Variants in PLEKHM2 observed in about 807,000 individuals in gnomAD.
The protein encoded by PLEKHM2 is pleckstrin homology and RUN domain containing M2, also known as pleckstrin homology domain-containing family M member 2.
Under a neutral mutation model 116.3 loss-of-function variants are expected in PLEKHM2, and 77 were observed. The observed-to-expected ratio is 0.66, with a 90% CI of 0.55 to 0.80. The LOEUF (loss-of-function observed/expected upper bound fraction) is 0.80, where lower values mean the gene tolerates loss of function less well. Ranked by LOEUF, PLEKHM2 falls within the 30% of genes least tolerant of loss-of-function variation. PLEKHM2 has a pLI of 0.00. For synonymous variants in PLEKHM2, 562 were observed against 571.0 expected (o/e 0.98, Z 0.22); for missense variants, 1,183 against 1,354.9 (o/e 0.87, Z 1.99).
intron 1 of PLEKHM2, among the ~76,000 whole-genome samples, chr1:15,706,627 G>A (rs1472717538): frequency 6.6e-6 from 1 of 151,960 alleles, no homozygotes; most frequent in African/African-American, 2.4e-5. Context: ...GGCTGGTCTC[G>A]AACTCCTAAC....
At chr1:15,684,767 G>A in intron 1 of PLEKHM2, 149 bp downstream of exon 1, 1 of 326,916 alleles carries the variant, frequency 3.1e-6, no homozygotes, top group Non-Finnish European at 5.4e-6. Context: ...CCGGTAGAGG[G>A]GAAGCGGCGC....
At position 15,728,285 on chromosome 1, in the gene PLEKHM2, G is replaced by A. The variant is rs746131818; in HGVS notation, c.1849G>A (p.Gly617Arg). Residue 617 changes from glycine (G) to arginine (R), a missense_variant, in exon 11 of 20, where the codon GGG becomes AGG. This residue lies in a region of PLEKHM2 where 594 missense variants were observed against 720.1 expected (regional missense o/e 0.82). Coordinates refer to ENST00000375799, the MANE Select transcript of PLEKHM2 (RefSeq NM_015164.4). This position sits in a 1 kb window ranked among gnomAD's most constrained non-coding sequence, Gnocchi z 5.9. ...CCCCCAGATGATCCGGATGAGCACC[G>A]GGCACATGGAGGGCAACCTGCAGCT... ...QLFKMIRMSTGHMEGNLQLLY... is the reference protein window; with the variant it reads ...QLFKMIRMSTRHMEGNLQLLY... The A allele has an allele frequency of 5.0e-6, 8 of 1,613,160 alleles. No individual in the cohort carries two copies. Among genetic ancestry groups the A allele is most frequent in the East Asian group, 2.2e-5 (1 of 44,888 alleles).
chr1:15,693,555 G>T (rs1457928143), intron 1 of PLEKHM2, among the ~76,000 whole-genome samples: 1 of 152,184 alleles, frequency 6.6e-6, no homozygotes, highest in Non-Finnish European at 1.5e-5. Flanking sequence ...ACTCACTGGG[G>T]TTTAACAGAA....
At chr1:15,732,161 C>T in intron 17 of PLEKHM2, 113 bp downstream of exon 17, 1 of 1,093,448 alleles carries the variant, frequency 9.1e-7, no homozygotes, top group African/African-American at 1.6e-5. Flanking sequence ...AGACGGACCT[C>T]CAGGGGGCAG....
chr1:15,701,027 C>CG (rs1244667658), intron 1 of PLEKHM2, among the ~76,000 whole-genome samples: 7 of 149,418 alleles, frequency 4.7e-5, no homozygotes, highest in Middle Eastern at 3.4e-3. Context: ...GCAGGAGAAT[C>CG]GCTCGAACCC....
chr1:15,729,244 AGGTG>A lies in PLEKHM2; in HGVS notation c.2075+55_2075+58del. 2.0e-6 allele frequency: 3 copies of A among 1,476,544 alleles called. No individual in the cohort carries two copies. Among genetic ancestry groups the A allele is most frequent in the Non-Finnish European group, 2.8e-6 (3 of 1,072,214 alleles). The allele number at this position is 1,476,544 out of a possible 1,614,324, so 91.5% of individuals were successfully genotyped here. On this transcript the variant is annotated intron_variant, in intron 13 of 19. Transcript: ENST00000375799. This position sits in a 1 kb window ranked among gnomAD's most constrained non-coding sequence, Gnocchi z 4.7. ...GATTGGAGAGTTCGCAGCCGCCCATAGGTGTGGGTGGCCTGGGGGTCAGGGGTGG... is the reference window on the plus strand; with the variant it reads ...GATTGGAGAGTTCGCAGCCGCCCATATGGGTGGCCTGGGGGTCAGGGGTGG...
chr1:15,731,311 C>T, intron 16 of PLEKHM2, 54 bp downstream of exon 16: 1 of 1,360,646 alleles, frequency 7.3e-7, no homozygotes, highest in African/African-American at 1.4e-5. Context: ...TGCCGTTTCC[C>T]TGGTTTGAGA....
At chr1:15,687,131 T>C (rs1276009710) in intron 1 of PLEKHM2, among the ~76,000 whole-genome samples, 3 of 151,308 alleles carry the variant, frequency 2.0e-5, no homozygotes, top group Non-Finnish European at 4.4e-5. Context: ...CCCATATTGG[T>C]CAGGCTGTGT....
upstream of PLEKHM2, among the ~76,000 whole-genome samples, chr1:15,681,841 G>C (rs1640650983): frequency 6.6e-6 from 1 of 152,114 alleles, no homozygotes; most frequent in Non-Finnish European, 1.5e-5. Context: ...TCTGCTCTCT[G>C]AATATGAGAG....
At chr1:15,689,090 A>G (rs571633942) in intron 1 of PLEKHM2, among the ~76,000 whole-genome samples, 2 of 152,064 alleles carry the variant, frequency 1.3e-5, no homozygotes, top group South Asian at 4.2e-4. Flanking sequence ...CTCTATTAAA[A>G]ATACAAAATT....
At position 15,728,594 on chromosome 1, in the gene PLEKHM2, G is replaced by T; in HGVS notation, c.1922-75G>T. The T allele has an allele frequency of 7.6e-7, 1 of 1,324,052 alleles. No individual in the cohort carries two copies. Among genetic ancestry groups the T allele is most frequent in the Non-Finnish European group, 1.1e-6 (1 of 937,670 alleles). The allele number at this position is 1,324,052 out of a possible 1,614,324, so 82.0% of individuals were successfully genotyped here. A position where few individuals can be genotyped will look rare whatever the true frequency, so the allele number is the denominator to read the frequency against. On this transcript the variant is annotated intron_variant, in intron 11 of 19. Transcript: ENST00000375799. The surrounding 1 kb of genome is among the most constrained non-coding windows in gnomAD (Gnocchi z 5.9). ...GAGAGGCCCTCTAAGAGAGGGGGCT[G>T]TGTCTAAGAAAATGGGGCAGGGGGA...
In PLEKHM2 at chr1:15,721,016, C is replaced by T. The variant is rs948500970; in HGVS notation, c.653-313C>T. On this transcript the variant is annotated intron_variant, in intron 6 of 19. Coordinates refer to ENST00000375799, the MANE Select transcript of PLEKHM2 (RefSeq NM_015164.4). The surrounding 1 kb of genome is among the most constrained non-coding windows in gnomAD (Gnocchi z 5.1). Reference sequence around the variant, plus strand: ...CCTGCTAGGGTATGGAGGGAAGGCACGTAAGAGGTAGAAAACAAAGCTAGG... The same window carrying T: ...CCTGCTAGGGTATGGAGGGAAGGCATGTAAGAGGTAGAAAACAAAGCTAGG... 1.0e-5 allele frequency: 3 copies of T among 297,766 alleles called. No individual in the cohort carries two copies. The highest frequency in any genetic ancestry group is 1.4e-4 in the East Asian group (2 of 14,192). The allele number at this position is 297,766 out of a possible 1,614,324, so 18.4% of individuals were successfully genotyped here.
chr1:15,698,974 A>T (rs1641056748), intron 1 of PLEKHM2, among the ~76,000 whole-genome samples: 1 of 152,144 alleles, frequency 6.6e-6, no homozygotes, highest in Non-Finnish European at 1.5e-5. Context: ...ATTGCCATTG[A>T]GAATGAAATA....
intron 1 of PLEKHM2, among the ~76,000 whole-genome samples, chr1:15,686,886 G>T (rs1640783263): frequency 6.6e-6 from 1 of 151,986 alleles, no homozygotes; most frequent in Non-Finnish European, 1.5e-5. Context: ...TCCTCACCTT[G>T]TGATCTGCCC....
In PLEKHM2 at chr1:15,728,630, G is replaced by T. The variant is rs368906492; in HGVS notation, c.1922-39G>T. The T allele has an allele frequency of 1.9e-5, 30 of 1,556,846 alleles. No homozygotes were observed. The highest frequency in any genetic ancestry group is 2.4e-5 in the Non-Finnish European group (27 of 1,138,722). ...AATGGGGCAGGGGGAGGGAAAAGAGGCCTGTGGGGATAATAGGCCTTGGGG... is the reference window on the plus strand; with the variant it reads ...AATGGGGCAGGGGGAGGGAAAAGAGTCCTGTGGGGATAATAGGCCTTGGGG... On this transcript the variant is annotated intron_variant, in intron 11 of 19. Coordinates refer to ENST00000375799, the MANE Select transcript of PLEKHM2 (RefSeq NM_015164.4). This position sits in a 1 kb window ranked among gnomAD's most constrained non-coding sequence, Gnocchi z 5.9.
intron 1 of PLEKHM2, among the ~76,000 whole-genome samples, chr1:15,688,766 C>T (rs1640827987): frequency 6.6e-6 from 1 of 152,058 alleles, no homozygotes; most frequent in Non-Finnish European, 1.5e-5. Flanking sequence ...CTGTGGTTGC[C>T]GATTTGTTAA....
At position 15,734,709 on chromosome 1, in the gene PLEKHM2, G is replaced by A. The variant is rs760712578; in HGVS notation, c.*775G>A. 1 of 152,232 alleles carries A rather than the reference G, an allele frequency of 6.6e-6. No individual in the cohort carries two copies. Among genetic ancestry groups the A allele is most frequent in the Non-Finnish European group, 1.5e-5 (1 of 68,054 alleles). 9.4% of individuals were successfully genotyped at this position (152,232 alleles called of 1,614,324 possible). ...AGAGTTTCGTCAAGAGCCTCCTGGGGAAGGGGTCAGGTGGTTTGGGTTTTG... is the reference window on the plus strand; with the variant it reads ...AGAGTTTCGTCAAGAGCCTCCTGGGAAAGGGGTCAGGTGGTTTGGGTTTTG... On this transcript the variant is annotated 3_prime_UTR_variant, in exon 20 of 20. Transcript: ENST00000375799.
rs528835994 is a variant in PLEKHM2 at position 15,731,813 on chromosome 1, G to T, written c.2466-76G>T. ...GGGCAGACCCTGTGCCGCACACCCC[G>T]CACCAACCCTGGGGGCTGTCGCCCC... On this transcript the variant is annotated intron_variant, in intron 16 of 19. Transcript: ENST00000375799. 127 of 1,338,422 alleles carry T rather than the reference G, an allele frequency of 9.5e-5. No homozygotes were observed. The South Asian group carries it at 1.6e-3, about 17-fold the overall frequency. 82.9% of individuals were successfully genotyped at this position (1,338,422 alleles called of 1,614,324 possible). A position where few individuals can be genotyped will look rare whatever the true frequency, so the allele number is the denominator to read the frequency against.
chr1:15,734,438 C>T lies in PLEKHM2; in HGVS notation c.*504C>T, dbSNP rs2068195425. 1.3e-5 allele frequency: 2 copies of T among 156,618 alleles called. No individual in the cohort carries two copies. The highest frequency in any genetic ancestry group is 4.8e-5 in the African/African-American group (2 of 41,496). 9.7% of individuals were successfully genotyped at this position (156,618 alleles called of 1,614,324 possible). A position where few individuals can be genotyped will look rare whatever the true frequency, so the allele number is the denominator to read the frequency against. Reference sequence around the variant, plus strand: ...CTGCGCATGTTTCCTCCTCCTAGCTCCATCACTGCGCACACAGCTGCCTGC... The same window carrying T: ...CTGCGCATGTTTCCTCCTCCTAGCTTCATCACTGCGCACACAGCTGCCTGC... On this transcript the variant is annotated 3_prime_UTR_variant, in exon 20 of 20. Transcript: ENST00000375799.
Sources: allele counts gnomAD v4.1 joint callset (sites outside exome capture counted in the v4.1 genomes callset), GRCh38; gene constraint gnomAD v4.1.1; regional missense constraint gnomAD v4.1.1; non-coding constraint Gnocchi (gnomAD v3.1); transcripts MANE v1.5; gene names NCBI Gene and HGNC (gene_info 2026-07-23, HGNC 2026-07-21).